DENND5A: variants seen among roughly 807,000 people sequenced by gnomAD.
DENND5A encodes DENN domain-containing protein 5A.
DENND5A carries 64 observed loss-of-function variants against 140.3 expected under a neutral mutation model. The observed-to-expected ratio is 0.46, with a 90% CI of 0.37 to 0.56. The LOEUF (loss-of-function observed/expected upper bound fraction) is 0.56, where lower values mean the gene tolerates loss of function less well. Among genes scored for constraint, DENND5A ranks in the 20% least tolerant of loss-of-function variants. The pLI is 0.00. For synonymous variants in DENND5A, 605 were observed against 607.7 expected, an observed-to-expected ratio of 1.00 and a Z score of 0.07; for missense variants, 1,292 against 1,593.8, an observed-to-expected ratio of 0.81 and a Z score of 3.22.
At chr11:9,243,784 G>T (rs935460125) in intron 1 of DENND5A, among the ~76,000 whole-genome samples, 1 of 152,070 alleles carries the variant, frequency 6.6e-6, no homozygotes, top group Non-Finnish European at 1.5e-5. Flanking sequence ...TACTTGGGAG[G>T]CTGAGGCAGG....
intron 1 of DENND5A, among the ~76,000 whole-genome samples, chr11:9,214,717 CT>C (rs1564920031): frequency 2.6e-5 from 4 of 151,800 alleles, no homozygotes; most frequent in African/African-American, 9.7e-5. Flanking sequence ...ACCCACAAGA[CT>C]TTTTTGTTTT....
chr11:9,255,950 C>T (rs895150174), intron 1 of DENND5A, among the ~76,000 whole-genome samples: 11 of 150,540 alleles, frequency 7.3e-5, no homozygotes, highest in Middle Eastern at 3.5e-3. Flanking sequence ...GGCCTGAACC[C>T]GGGAGGCAGT....
intron 5 of DENND5A, among the ~76,000 whole-genome samples, chr11:9,188,425 A>G (rs1848996126): frequency 6.6e-6 from 1 of 152,248 alleles, no homozygotes; most frequent in Admixed American, 6.5e-5. Flanking sequence ...GCTGCTTAAA[A>G]GATACCCAAA....
intron 5 of DENND5A, among the ~76,000 whole-genome samples, chr11:9,189,033 A>T (rs1322422250): frequency 6.6e-6 from 1 of 152,200 alleles, no homozygotes; most frequent in Non-Finnish European, 1.5e-5. Flanking sequence ...CTGGGGGCCT[A>T]GGAGGAAAAA....
At chr11:9,222,739 C>CA (rs1411696760) in intron 1 of DENND5A, among the ~76,000 whole-genome samples, 6 of 152,160 alleles carry the variant, frequency 3.9e-5, no homozygotes, top group Admixed American at 3.9e-4. Flanking sequence ...ACTAGCCATA[C>CA]ACATATGGCA....
At chr11:9,160,909 G>C (rs752687940) in intron 11 of DENND5A, 44 bp from the exon 12 acceptor site, 2 of 1,596,374 alleles carry the variant, frequency 1.3e-6, no homozygotes, top group South Asian at 2.2e-5. Context: ...ACAGTGAGCA[G>C]GATTACATAC....
chr11:9,152,985 G>A (rs1432369704), intron 12 of DENND5A, among the ~76,000 whole-genome samples: 1 of 145,434 alleles, frequency 6.9e-6, no homozygotes, highest in Non-Finnish European at 1.5e-5. Context: ...GCGACAGGGT[G>A]AGACGCCGTC....
chr11:9,220,403 C>T (rs1236309428), intron 1 of DENND5A, among the ~76,000 whole-genome samples: 2 of 151,772 alleles, frequency 1.3e-5, no homozygotes, highest in Non-Finnish European at 2.9e-5. Flanking sequence ...CAAAATTAGC[C>T]GGGCGTGGTG....
At chr11:9,149,971 C>G in intron 15 of DENND5A, 110 bp downstream of exon 15, 4 of 1,425,606 alleles carry the variant, frequency 2.8e-6, no homozygotes. Flanking sequence ...AAGAGGTTAG[C>G]TGAATGCAGC....
Position 9,139,575 on chromosome 11 carries a change from CCTA to C in DENND5A, c.*93_*95del, listed in dbSNP as rs1847166352. ...TTTACAGTGAGTGTACATTTTGTCTCCTACTCCTGCACAATCGCTTAAGTCCCT... is the reference window on the plus strand; with the variant it reads ...TTTACAGTGAGTGTACATTTTGTCTCCTCCTGCACAATCGCTTAAGTCCCT... On this transcript the variant is annotated 3_prime_UTR_variant, in exon 23 of 23. Transcript: ENST00000328194. 4 of 1,137,352 alleles carry C rather than the reference CCTA, an allele frequency of 3.5e-6. No individual in the cohort carries two copies. Among genetic ancestry groups the C allele is most frequent in the South Asian group, 3.1e-5 (2 of 64,194 alleles). 70.5% of individuals were successfully genotyped at this position (1,137,352 alleles called of 1,614,324 possible). A position where few individuals can be genotyped will look rare whatever the true frequency, so the allele number is the denominator to read the frequency against.
intron 5 of DENND5A, among the ~76,000 whole-genome samples, chr11:9,192,061 C>G (rs182348201): frequency 6.6e-6 from 1 of 151,882 alleles, no homozygotes; most frequent in African/African-American, 2.4e-5. Flanking sequence ...AAGAGCACAA[C>G]GCTCTATAAA....
chr11:9,155,353 A>AGC (rs1402422060), intron 12 of DENND5A, among the ~76,000 whole-genome samples: 2 of 152,238 alleles, frequency 1.3e-5, no homozygotes, highest in African/African-American at 4.8e-5. Flanking sequence ...TGTGGCACAC[A>AGC]TTAAGTACAG....
chr11:9,235,186 T>C (rs913710133), intron 1 of DENND5A, among the ~76,000 whole-genome samples: 1 of 152,158 alleles, frequency 6.6e-6, no homozygotes, highest in African/African-American at 2.4e-5. Flanking sequence ...TGAATGTTCA[T>C]AGCAGCACTA....
At chr11:9,177,218 C>T (rs1848572293) in intron 8 of DENND5A, among the ~76,000 whole-genome samples, 1 of 150,014 alleles carries the variant, frequency 6.7e-6, no homozygotes, top group Non-Finnish European at 1.5e-5. Flanking sequence ...CGCACCACTA[C>T]CCTCCAGCCT....
chr11:9,195,020 CTTTT>C (rs574310334), intron 4 of DENND5A, among the ~76,000 whole-genome samples: 1 of 119,110 alleles, frequency 8.4e-6, no homozygotes, highest in African/African-American at 3.1e-5. Context: ...CCCAGCCAGC[CTTTT>C]TTTTTTTTTT....
At chr11:9,193,051 C>A (rs953413243) in intron 5 of DENND5A, among the ~76,000 whole-genome samples, 2 of 152,006 alleles carry the variant, frequency 1.3e-5, no homozygotes, top group Non-Finnish European at 2.9e-5. Flanking sequence ...ATGGTGAGAC[C>A]CTGCATCTAC....
In DENND5A at chr11:9,161,636, G is replaced by T. The variant is rs528300896; in HGVS notation, c.2284-771C>A. Among the ~76,000 whole-genome samples, 701 of 152,268 alleles carry T rather than the reference G, an allele frequency of 4.6e-3. 4 individuals carry two copies. The highest frequency in any genetic ancestry group is 7.0e-3 in the Non-Finnish European group (474 of 68,018). On this transcript the variant is annotated intron_variant, in intron 11 of 22. Transcript: ENST00000328194. ...ACATAAAAATTTTCAACTGCTTATT[G>T]TAAGATCATAACCAAGAAAACACAT...
In DENND5A at chr11:9,145,825, G is replaced by A; in HGVS notation, c.2858-10C>T. The A allele has an allele frequency of 1.9e-6, 3 of 1,614,052 alleles. No individual in the cohort carries two copies. Among genetic ancestry groups the A allele is most frequent in the Non-Finnish European group, 2.5e-6 (3 of 1,179,956 alleles). On this transcript the variant is annotated splice_polypyrimidine_tract_variant and intron_variant, in intron 16 of 22. Coordinates refer to ENST00000328194, the MANE Select transcript of DENND5A (RefSeq NM_015213.4). ...ATGTGGTACGGGATCACTGTTTAGG[G>A]GAAGCCACAAAAGTATTGAGGAGAA... is the stretch of plus-strand genomic sequence containing the variant.
At chr11:9,227,701 G>A (rs1366588999) in intron 1 of DENND5A, among the ~76,000 whole-genome samples, 2 of 152,144 alleles carry the variant, frequency 1.3e-5, no homozygotes, top group South Asian at 4.2e-4. Flanking sequence ...GCTCATGCCT[G>A]TAATCTAACA....
Sources: allele counts gnomAD v4.1 joint callset (sites outside exome capture counted in the v4.1 genomes callset), GRCh38; gene constraint gnomAD v4.1.1; transcripts MANE v1.5; gene names NCBI Gene and HGNC (gene_info 2026-07-23, HGNC 2026-07-21).